DNAH17: variants seen among roughly 807,000 people sequenced by gnomAD.
The protein encoded by DNAH17 is axonemal beta dynein heavy chain 17.
DNAH17 carries 376 observed loss-of-function variants against 485.6 expected under a neutral mutation model. That is an observed-to-expected ratio of 0.77 (90% CI 0.71 to 0.84). DNAH17 has a LOEUF of 0.84. Among genes scored for constraint, DNAH17 ranks in the 40% least tolerant of loss-of-function variants. The pLI is 0.00. For synonymous variants in DNAH17, 3,031 were observed against 2,405.9 expected (o/e 1.26, Z -7.60); for missense variants, 6,370 against 5,839.3 (o/e 1.09, Z -2.96).
chr17:78,531,337 CTTTTTT>C (rs35874440), intron 20 of DNAH17, among the ~76,000 whole-genome samples: 1 of 122,370 alleles, frequency 8.2e-6, no homozygotes, highest in Non-Finnish European at 1.7e-5. Flanking sequence ...TAAAGTCTGT[CTTTTTT>C]TTTTTTTTTT....
In DNAH17 at chr17:78,502,697, A is replaced by C; in HGVS notation, c.5084T>G (p.Val1695Gly). 1 of 1,611,152 alleles carries C rather than the reference A, an allele frequency of 6.2e-7. No individual in the cohort carries two copies. Among genetic ancestry groups the C allele is most frequent in the Non-Finnish European group, 8.5e-7 (1 of 1,179,770 alleles). The change falls in exon 33 of 81, where the codon GTG becomes GGG. Residue 1695 changes from valine to glycine, a missense_variant and splice_region_variant. Val to Gly is a moderately radical substitution (Grantham distance 109). Coordinates refer to ENST00000389840, the MANE Select transcript of DNAH17 (RefSeq NM_173628.4). ...EQWILDYPAQVALTCTQIWWT... is the reference protein window; with the variant it reads ...EQWILDYPAQGALTCTQIWWT... ...CCAGATCTGGGTGCAAGTCAGGGCC[A>C]CCTGAAAGTACATACCCCCCATTGC...
rs749426170 is a variant in DNAH17 at position 78,494,123 on chromosome 17, G to A, written c.6321C>T (p.Phe2107=). ...CCTCCAGCTGCACCACCTTCAGCAC[G>A]AAGCTGTCCTCCGCCTGCAGCTTGA... The part of the protein sequence containing the change: ...VELKLQAEDS[F]VLKVVQLEEL... Residue 2107 remains phenylalanine, a synonymous_variant, in exon 41 of 81, where the codon TTC becomes TTT. Transcript: ENST00000389840. The A allele has an allele frequency of 2.0e-5, 33 of 1,612,716 alleles. No homozygotes were observed. The highest frequency in any genetic ancestry group is 6.7e-5 in the East Asian group (3 of 44,880).
intron 56 of DNAH17, 115 bp from the exon 57 acceptor site, chr17:78,463,192 C>A: frequency 1.1e-6 from 1 of 906,596 alleles, no homozygotes; most frequent in Admixed American, 2.3e-5. Flanking sequence ...CGCTCTCAAC[C>A]TCAGTGTCTT....
In DNAH17 at chr17:78,558,160, GTTTCGTTC is replaced by G; in HGVS notation, c.2118_2125del (p.Glu706AspfsTer17). ...CAGGTTGCCCACAAACTTCCGGAAA[GTTTCGTTC>G]TCTGAGAACAGACTCTCCGCACTGT... is the stretch of plus-strand genomic sequence containing the variant. On this transcript the variant is annotated frameshift_variant, in exon 14 of 81. Transcript: ENST00000389840. LOFTEE classifies it high-confidence loss of function. The G allele has an allele frequency of 6.2e-7, 1 of 1,613,864 alleles. No homozygotes were observed.
At chr17:78,505,250 A>G in intron 31 of DNAH17, 43 bp downstream of exon 31, 1 of 1,610,726 alleles carries the variant, frequency 6.2e-7, no homozygotes, top group African/African-American at 1.3e-5. Flanking sequence ...CGCGTGCTGC[A>G]CCCTTGTCCT....
Position 78,453,405 on chromosome 17 carries a change from G to T in DNAH17, c.10467C>A (p.Ile3489=), listed in dbSNP as rs753662930. The part of the protein sequence containing the change: ...SEGDTLLIEN[I]GETVDPVLDP... ...CCAGCACGGGGTCCACGGTTTCGCC[G>T]ATGTTCTCAATGAGCAAGGTGTCCC... The change falls in exon 65 of 81, where the codon ATC becomes ATA. Residue 3489 remains isoleucine, a synonymous_variant. Transcript: ENST00000389840. 1 of 1,613,838 alleles carries T rather than the reference G, an allele frequency of 6.2e-7. No homozygotes were observed. The highest frequency in any genetic ancestry group is 8.5e-7 in the Non-Finnish European group (1 of 1,179,806).
rs780980167 is a variant in DNAH17, at chr17:78,484,901, G to T, written c.7616C>A (p.Thr2539Asn). 3 of 1,587,680 alleles carry T rather than the reference G, an allele frequency of 1.9e-6. No homozygotes were observed. The Admixed American group carries it at 5.4e-5, about 29-fold the overall frequency. Reference protein sequence around the residue: ...VDKYGTVAPHTLIRQHMDHRH... With the variant: ...VDKYGTVAPHNLIRQHMDHRH... ...GTGGTCCATGTGCTGCCGGATGAGG[G>T]TGTGCGGGGCCACCGTCCCATACTT... is the stretch of plus-strand genomic sequence containing the variant. The change falls in exon 48 of 81, where the codon ACC (threonine) becomes AAC (asparagine). Residue 2539 changes from threonine (T) to asparagine (N), a missense_variant. Coordinates refer to ENST00000389840, the MANE Select transcript of DNAH17 (RefSeq NM_173628.4).
At chr17:78,455,967 G>T in intron 62 of DNAH17, 131 bp from the exon 63 acceptor site, 1 of 759,868 alleles carries the variant, frequency 1.3e-6, no homozygotes, top group Non-Finnish European at 2.0e-6. Flanking sequence ...GCTCAATGAT[G>T]AAAATGCTTT....
intron 8 of DNAH17, 47 bp downstream of exon 8, chr17:78,569,328 G>A (rs1177038129): frequency 3.1e-6 from 5 of 1,606,996 alleles, no homozygotes; most frequent in Admixed American, 1.7e-5. Context: ...GGGCTCATAT[G>A]AACTCACTCG....
intron 16 of DNAH17, among the ~76,000 whole-genome samples, chr17:78,544,662 C>A (rs900440223): frequency 2.6e-5 from 4 of 151,940 alleles, no homozygotes; most frequent in Non-Finnish European, 5.9e-5. Context: ...ATTAGCCGCG[C>A]ATGGTGGCGG....
At chr17:78,427,395 C>T (rs1325062576) in intron 77 of DNAH17, among the ~76,000 whole-genome samples, 2 of 152,204 alleles carry the variant, frequency 1.3e-5, no homozygotes, top group African/African-American at 4.8e-5. Context: ...TTCATTCCCA[C>T]GCACCAGCCT....
intron 73 of DNAH17, 52 bp from the exon 74 acceptor site, chr17:78,437,920 C>A: frequency 3.6e-6 from 5 of 1,393,828 alleles, no homozygotes; most frequent in South Asian, 2.6e-5. Context: ...TCCTGGCCCA[C>A]GAGGAGAGAC....
intron 57 of DNAH17, among the ~76,000 whole-genome samples, 197 bp downstream of exon 57, chr17:78,462,647 G>C (rs1171786960): frequency 6.6e-6 from 1 of 152,198 alleles, no homozygotes; most frequent in Non-Finnish European, 1.5e-5. Flanking sequence ...AGCATTTTGA[G>C]TCTGTTTTTT....
At chr17:78,571,482 A>C in intron 4 of DNAH17, 104 bp from the exon 5 acceptor site, 2 of 1,495,112 alleles carry the variant, frequency 1.3e-6, no homozygotes, top group Non-Finnish European at 1.9e-6. Flanking sequence ...TACGCAGGTC[A>C]TCAGAGCCCT....
At chr17:78,548,650 T>TTGC (rs556476167) in intron 16 of DNAH17, among the ~76,000 whole-genome samples, 1 of 152,250 alleles carries the variant, frequency 6.6e-6, no homozygotes, top group Non-Finnish European at 1.5e-5. Flanking sequence ...CCTAACCCCT[T>TTGC]TGCTGTTCAC....
At chr17:78,546,652 T>A (rs1349771939) in intron 16 of DNAH17, among the ~76,000 whole-genome samples, 1 of 152,234 alleles carries the variant, frequency 6.6e-6, no homozygotes, top group Non-Finnish European at 1.5e-5. Flanking sequence ...ATGCCCGTAA[T>A]CTCAGAACTT....
rs369520104 is a variant in DNAH17 at position 78,484,893 on chromosome 17, G to A, written c.7624C>T (p.Arg2542Trp). 8.2e-6 allele frequency: 13 copies of A among 1,580,506 alleles called. No homozygotes were observed. The highest frequency in any genetic ancestry group is 2.3e-5 in the East Asian group (1 of 43,138). ...CAGTGCCGGTGGTCCATGTGCTGCC[G>A]GATGAGGGTGTGCGGGGCCACCGTC... ...YGTVAPHTLIRQHMDHRHWYD... is the reference protein window; with the variant it reads ...YGTVAPHTLIWQHMDHRHWYD... Residue 2542 changes from arginine to tryptophan, a missense_variant, in exon 48 of 81, where the codon CGG becomes TGG. Coordinates refer to ENST00000389840, the MANE Select transcript of DNAH17 (RefSeq NM_173628.4).
intron 34 of DNAH17, 139 bp downstream of exon 34, chr17:78,501,603 T>G: frequency 4.7e-6 from 6 of 1,279,500 alleles, no homozygotes; most frequent in Middle Eastern, 2.7e-4. Flanking sequence ...GGCAAGGAGG[T>G]TAGGAGGCAG....
intron 13 of DNAH17, among the ~76,000 whole-genome samples, chr17:78,559,026 A>G (rs1398737523): frequency 6.6e-6 from 1 of 152,176 alleles, no homozygotes; most frequent in African/African-American, 2.4e-5. Context: ...TAATCTCAAG[A>G]TGTCCATGAT....
Sources: allele counts gnomAD v4.1 joint callset (sites outside exome capture counted in the v4.1 genomes callset), GRCh38; gene constraint gnomAD v4.1.1; transcripts MANE v1.5; gene names NCBI Gene and HGNC (gene_info 2026-07-23, HGNC 2026-07-21).